Variants in RPS6KA3 observed in about 807,000 individuals in gnomAD.
RPS6KA3 encodes ribosomal protein S6 kinase alpha-3.
Under a neutral mutation model 67.2 loss-of-function variants are expected in RPS6KA3, and 4 were observed. The observed-to-expected ratio is 0.06, with a 90% confidence interval of 0.03 to 0.14. The LOEUF (loss-of-function observed/expected upper bound fraction) is 0.14. Ranked by LOEUF, RPS6KA3 falls within the 10% of genes least tolerant of loss-of-function variation. The pLI, the probability that RPS6KA3 is intolerant of heterozygous loss-of-function variation, is 1.00. For missense variants in RPS6KA3, 204 were observed against 559.0 expected (o/e 0.36, Z 6.40); for synonymous variants, 182 against 183.7 (o/e 0.99, Z 0.07).
At chrX:20,211,540 GA>G (rs369429918) in intron 2 of RPS6KA3, among the ~76,000 whole-genome samples, 2,462 of 70,014 alleles carry the variant, frequency 0.035, 79 homozygotes, top group African/African-American at 0.12. Context: ...TCCTTAGCAG[GA>G]AAAAAAAACA....
chrX:20,251,627 T>C (rs2069871705), intron 1 of RPS6KA3, among the ~76,000 whole-genome samples: 1 of 113,283 alleles, frequency 8.8e-6, no homozygotes, highest in Non-Finnish European at 1.9e-5. Flanking sequence ...TTTTACTTTT[T>C]CAATTGTCAT....
intron 3 of RPS6KA3, among the ~76,000 whole-genome samples, chrX:20,208,917 G>A (rs1345793473): frequency 1.8e-5 from 2 of 111,266 alleles, no homozygotes; most frequent in East Asian, 5.6e-4. Context: ...ATTAGAGTAC[G>A]CTGGAAGGGA....
In RPS6KA3 at chrX:20,218,284, T is replaced by C. The variant is rs868758204; in HGVS notation, c.127-8880A>G. Among the ~76,000 whole-genome samples, 12 of 112,281 alleles carry C rather than the reference T, an allele frequency of 1.1e-4. No homozygotes were observed. The Middle Eastern group carries it at 0.014, about 129-fold the overall frequency. On this transcript the variant is annotated intron_variant, in intron 2 of 21. Transcript: ENST00000379565. ...GTTCCTACTCTAAGTCAGATAAAATTACTTGCTTAAAGTTACTTAAATATG... is the reference window on the plus strand; with the variant it reads ...GTTCCTACTCTAAGTCAGATAAAATCACTTGCTTAAAGTTACTTAAATATG...
intron 2 of RPS6KA3, among the ~76,000 whole-genome samples, chrX:20,219,205 G>A (rs1255699539): frequency 8.9e-6 from 1 of 111,882 alleles, no homozygotes; most frequent in African/African-American, 3.2e-5. Context: ...CCTGAGAAAT[G>A]CCAGAATTTC....
intron 2 of RPS6KA3, among the ~76,000 whole-genome samples, chrX:20,229,252 G>A (rs907550560): frequency 1.1e-4 from 12 of 111,343 alleles, no homozygotes; most frequent in African/African-American, 3.6e-4. Flanking sequence ...TGTCCTAGTC[G>A]AAAGTGGCTT....
At chrX:20,186,409 T>C (rs1791571023) in intron 9 of RPS6KA3, 43 bp from the exon 10 acceptor site, 9 of 838,248 alleles carry the variant, frequency 1.1e-5, no homozygotes, top group Non-Finnish European at 1.6e-5. Context: ...TCAATAAATA[T>C]AAAATCTGAA....
chrX:20,172,210 A>T (rs761117660), intron 15 of RPS6KA3, among the ~76,000 whole-genome samples: 7 of 112,424 alleles, frequency 6.2e-5, no homozygotes, highest in Non-Finnish European at 1.1e-4. Flanking sequence ...TTACGACTAA[A>T]GGTTTGAAAT....
At chrX:20,238,495 T>G (rs1272619206) in intron 1 of RPS6KA3, among the ~76,000 whole-genome samples, 3 of 110,323 alleles carry the variant, frequency 2.7e-5, no homozygotes, top group African/African-American at 1.0e-4. Flanking sequence ...TATATTAGAT[T>G]CCAAATCTGT....
intron 1 of RPS6KA3, among the ~76,000 whole-genome samples, chrX:20,259,939 T>C (rs1218191026): frequency 1.8e-5 from 2 of 111,100 alleles, no homozygotes; most frequent in South Asian, 3.7e-4. Flanking sequence ...ATACTATATA[T>C]ACTATTTAGA....
intron 1 of RPS6KA3, among the ~76,000 whole-genome samples, chrX:20,237,719 T>C (rs1485485649): frequency 8.9e-6 from 1 of 111,796 alleles, no homozygotes; most frequent in Admixed American, 9.5e-5. Context: ...TAAGGTGAGG[T>C]AGCTTCATGA....
In RPS6KA3 at chrX:20,150,608, A is replaced by AT. The variant is rs1464740749; in HGVS notation, c.*4789dup. The AT allele has an allele frequency of 8.9e-6, 1 of 112,548 alleles. No individual in the cohort carries two copies. The highest frequency in any genetic ancestry group is 1.9e-5 in the Non-Finnish European group (1 of 53,223). 9.3% of individuals were successfully genotyped at this position (112,548 alleles called of 1,213,427 possible). A position where few individuals can be genotyped will look rare whatever the true frequency, so the allele number is the denominator to read the frequency against. On this transcript the variant is annotated 3_prime_UTR_variant, in exon 22 of 22. Coordinates refer to ENST00000379565, the MANE Select transcript of RPS6KA3 (RefSeq NM_004586.3). ...CCCTTGCTTTGTACGTGAAAGTTCT[A>AT]TTTTAAATACTTGTTTGAAAAACTC...
At chrX:20,259,530 C>T (rs1278312526) in intron 1 of RPS6KA3, among the ~76,000 whole-genome samples, 1 of 111,535 alleles carries the variant, frequency 9.0e-6, no homozygotes, top group South Asian at 3.7e-4. Context: ...TGAAACAAAA[C>T]TCTTGACAGT....
At chrX:20,264,333 G>A (rs2070315493) in intron 1 of RPS6KA3, among the ~76,000 whole-genome samples, 1 of 112,000 alleles carries the variant, frequency 8.9e-6, no homozygotes, top group South Asian at 3.7e-4. Context: ...TTTACCAAAT[G>A]AGACCTCTTA....
intron 2 of RPS6KA3, among the ~76,000 whole-genome samples, chrX:20,226,763 T>A (rs2069131264): frequency 8.9e-6 from 1 of 111,775 alleles, no homozygotes; most frequent in Non-Finnish European, 1.9e-5. Context: ...TTTTCATTGT[T>A]CCCTCTGGTA....
intron 2 of RPS6KA3, among the ~76,000 whole-genome samples, chrX:20,233,942 T>A (rs1218421650): frequency 1.8e-5 from 2 of 112,132 alleles, no homozygotes; most frequent in Non-Finnish European, 3.8e-5. Flanking sequence ...CAATGGTTAT[T>A]CTGTGTGTGG....
chrX:20,262,682 G>A (rs2070266534), intron 1 of RPS6KA3, among the ~76,000 whole-genome samples: 1 of 111,120 alleles, frequency 9.0e-6, no homozygotes. Context: ...CAGTTGACAT[G>A]TAACAATACC....
intron 15 of RPS6KA3, among the ~76,000 whole-genome samples, chrX:20,171,696 T>C (rs1440532623): frequency 9.0e-6 from 1 of 111,575 alleles, no homozygotes; most frequent in Non-Finnish European, 1.9e-5. Flanking sequence ...TTTCTGTAAT[T>C]CAAAGGGGCC....
chrX:20,179,528 G>T (rs1469409757), intron 10 of RPS6KA3, among the ~76,000 whole-genome samples: 1 of 111,160 alleles, frequency 9.0e-6, no homozygotes, highest in African/African-American at 3.3e-5. Flanking sequence ...GCAATTGGCT[G>T]AATCACACTG....
chrX:20,219,860 C>T (rs984307833), intron 2 of RPS6KA3, among the ~76,000 whole-genome samples: 6 of 112,013 alleles, frequency 5.4e-5, no homozygotes, highest in Admixed American at 4.7e-4. Context: ...TAATGCTCTG[C>T]TTAATGAACA....
Sources: gnomAD v4.1 joint callset for allele counts (sites outside exome capture counted in the v4.1 genomes callset) on GRCh38, gnomAD v4.1.1 for gene constraint, MANE v1.5 for transcripts, NCBI Gene and HGNC (gene_info 2026-07-23, HGNC 2026-07-21) for gene names.